HPS5: variants seen among roughly 807,000 people sequenced by gnomAD.
HPS5 encodes the protein HPS5 biogenesis of lysosomal organelles complex 2 subunit 2.
A neutral mutation model predicts 128.0 loss-of-function variants in HPS5; 83 were observed. The ratio of observed to expected loss-of-function variants is 0.65; its 90% CI spans 0.54 to 0.78. The LOEUF is 0.78. Ranked by LOEUF, HPS5 falls within the 30% of genes least tolerant of loss-of-function variation. The pLI is 0.00. For synonymous variants in HPS5, 475 were observed against 470.2 expected (o/e 1.01, Z -0.13); for missense variants, 1,281 against 1,326.2 (o/e 0.97, Z 0.53).
In HPS5 at chr11:18,300,946, G is replaced by C. The variant is rs1364884991; in HGVS notation, c.897-30C>G. ...AAGAGAAGAAGTGAAGAGAATTCAA[G>C]TGTGCTAGGATACAAAAGTTTATAA... On this transcript the variant is annotated intron_variant, in intron 8 of 22. Transcript: ENST00000349215. 3.8e-6 allele frequency: 5 copies of C among 1,304,362 alleles called. No individual in the cohort carries two copies. Among genetic ancestry groups the C allele is most frequent in the Non-Finnish European group, 5.6e-6 (5 of 898,190 alleles). The allele number at this position is 1,304,362 out of a possible 1,614,324, so 80.8% of individuals were successfully genotyped here. A position where few individuals can be genotyped will look rare whatever the true frequency, so the allele number is the denominator to read the frequency against.
chr11:18,285,362 T>C lies in HPS5; in HGVS notation c.2935A>G (p.Ile979Val), dbSNP rs1396677274. ...CTCACTTACCCACAAGACCTGCAGA[T>C]GTCTGTCATTTTCTCTTTGGTTATA... ...DFITKEKMTD[I>V]CRSCGFWPGY... Residue 979 changes from isoleucine (I) to valine (V), a missense_variant, in exon 20 of 23, where the codon ATC (isoleucine) becomes GTC (valine). By Grantham distance (29) the Ile-to-Val change is conservative. Coordinates refer to ENST00000349215, the MANE Select transcript of HPS5 (RefSeq NM_181507.2). The C allele has an allele frequency of 1.2e-6, 2 of 1,608,928 alleles. No homozygotes were observed. Among genetic ancestry groups the C allele is most frequent in the Non-Finnish European group, 1.7e-6 (2 of 1,175,416 alleles).
At chr11:18,320,384 C>G (rs1464014408) in intron 1 of HPS5, among the ~76,000 whole-genome samples, 1 of 152,080 alleles carries the variant, frequency 6.6e-6, no homozygotes, top group African/African-American at 2.4e-5. Flanking sequence ...TTAGTTTTGC[C>G]CTAGATCCCT....
At position 18,298,803 on chromosome 11, in the gene HPS5, T is replaced by C; in HGVS notation, c.1153A>G (p.Ile385Val). The C allele has an allele frequency of 6.2e-7, 1 of 1,614,128 alleles. No individual in the cohort carries two copies. Among genetic ancestry groups the C allele is most frequent in the Non-Finnish European group, 8.5e-7 (1 of 1,180,004 alleles). ...RTCCLFQNSV[I>V]ASRARKTLTA... ...AAGCTCTGACTCACTCTGCTGGCAA[T>C]GACAGAATTTTGGAAAAGACAGCAT... Residue 385 changes from isoleucine to valine, a missense_variant, in exon 10 of 23, where the codon ATT (isoleucine) becomes GTT (valine). By Grantham distance (29) the Ile-to-Val change is conservative (BLOSUM62 3). Transcript: ENST00000349215.
At chr11:18,289,170 T>G (rs1860102992) in intron 16 of HPS5, among the ~76,000 whole-genome samples, 2 of 152,266 alleles carry the variant, frequency 1.3e-5, no homozygotes, top group Admixed American at 1.3e-4. Flanking sequence ...ACATTCATTT[T>G]CTGATACATG....
chr11:18,286,541 CA>C (rs370679561), intron 19 of HPS5, 49 bp downstream of exon 19: 19,677 of 1,098,484 alleles, frequency 0.018, no homozygotes, highest in South Asian at 0.024. Flanking sequence ...GATCCTGTCT[CA>C]AAAAAAAAAA....
intron 13 of HPS5, among the ~76,000 whole-genome samples, chr11:18,295,664 T>C (rs1425574089): frequency 6.6e-6 from 1 of 152,224 alleles, no homozygotes; most frequent in Non-Finnish European, 1.5e-5. Flanking sequence ...AAAAGAATTC[T>C]GAAAAGACTC....
chr11:18,316,130 A>G (rs1367420304), intron 2 of HPS5, among the ~76,000 whole-genome samples: 2 of 152,096 alleles, frequency 1.3e-5, no homozygotes, highest in African/African-American at 2.4e-5. Flanking sequence ...CCCCATCTCT[A>G]CAAAAACTTT....
At chr11:18,309,220 A>C (rs994940820) in intron 5 of HPS5, 141 bp from the exon 6 acceptor site, 4 of 780,902 alleles carry the variant, frequency 5.1e-6, no homozygotes, top group Admixed American at 4.7e-5. Flanking sequence ...TTTGCTTGTA[A>C]GGATATCAAA....
intron 19 of HPS5, 36 bp downstream of exon 19, chr11:18,286,555 A>C (rs3741197): frequency 5.6e-6 from 9 of 1,605,074 alleles, no homozygotes; most frequent in Non-Finnish European, 7.7e-6. Context: ...AAAAAAAAGT[A>C]AAGAAAAAAA....
chr11:18,296,200 AATG>A, intron 12 of HPS5, 78 bp from the exon 13 acceptor site: 1 of 1,470,510 alleles, frequency 6.8e-7, no homozygotes, highest in Non-Finnish European at 9.4e-7. Flanking sequence ...AAAATTCTGA[AATG>A]AATAAACCGA....
chr11:18,301,956 C>T (rs1199400796), intron 8 of HPS5, among the ~76,000 whole-genome samples: 1 of 152,098 alleles, frequency 6.6e-6, no homozygotes, highest in Non-Finnish European at 1.5e-5. Context: ...CTCCACTTAT[C>T]TTCACTAACC....
chr11:18,285,797 C>A (rs1230641332), intron 19 of HPS5, among the ~76,000 whole-genome samples: 1 of 152,186 alleles, frequency 6.6e-6, no homozygotes, highest in South Asian at 2.1e-4. Flanking sequence ...TAAGAAGCTT[C>A]TCCTGGGAGG....
At chr11:18,283,516 C>T (rs1395912777) in intron 21 of HPS5, among the ~76,000 whole-genome samples, 1 of 151,652 alleles carries the variant, frequency 6.6e-6, no homozygotes, top group Non-Finnish European at 1.5e-5. Flanking sequence ...TCATTTAAAA[C>T]AACATATGGA....
intron 16 of HPS5, among the ~76,000 whole-genome samples, chr11:18,290,060 G>A (rs7117069): frequency 0.033 from 5,006 of 152,218 alleles, 281 homozygotes; most frequent in African/African-American, 0.12. Flanking sequence ...TCTCATCAAT[G>A]GAAATGTACA....
chr11:18,307,865 T>TA (rs1862549552), intron 6 of HPS5, among the ~76,000 whole-genome samples: 1 of 152,212 alleles, frequency 6.6e-6, no homozygotes, highest in African/African-American at 2.4e-5. Flanking sequence ...GAATTCTAGC[T>TA]AACAGAAAGC....
intron 11 of HPS5, 148 bp downstream of exon 11, chr11:18,297,411 A>G: frequency 1.5e-6 from 1 of 685,914 alleles, no homozygotes; most frequent in Non-Finnish European, 2.5e-6. Context: ...CACAGAGCTG[A>G]GCCACTAGCT....
intron 22 of HPS5, among the ~76,000 whole-genome samples, chr11:18,280,806 A>C (rs998254909): frequency 1.3e-5 from 2 of 152,226 alleles, no homozygotes; most frequent in Non-Finnish European, 2.9e-5. Context: ...CAAATGTATT[A>C]ATTCCACTGA....
At position 18,306,362 on chromosome 11, in the gene HPS5, G is replaced by A. The variant is rs776839304; in HGVS notation, c.612-15C>T. On this transcript the variant is annotated splice_polypyrimidine_tract_variant and intron_variant, in intron 6 of 22. Coordinates refer to ENST00000349215, the MANE Select transcript of HPS5 (RefSeq NM_181507.2). ...AAAACTTTTCTCTAACATCCAGAAA[G>A]GAAGAGAAAGCAGATTTACTTACAA... The A allele has an allele frequency of 6.3e-7, 1 of 1,591,542 alleles. No individual in the cohort carries two copies. Among genetic ancestry groups the A allele is most frequent in the Admixed American group, 1.7e-5 (1 of 59,850 alleles).
chr11:18,313,271 C>T (rs1863215390), intron 2 of HPS5, among the ~76,000 whole-genome samples: 1 of 152,150 alleles, frequency 6.6e-6, no homozygotes, highest in Admixed American at 6.5e-5. Context: ...AGTATGCAGG[C>T]CCAGACAGAA....
Sources: allele counts gnomAD v4.1 joint callset (sites outside exome capture counted in the v4.1 genomes callset), GRCh38; gene constraint gnomAD v4.1.1; transcripts MANE v1.5; gene names NCBI Gene and HGNC (gene_info 2026-07-23, HGNC 2026-07-21).